The following SYN3 variants were observed in gnomAD, a reference collection of about 807,000 sequenced individuals.
The protein encoded by SYN3 is synapsin III.
A neutral mutation model predicts 65.8 loss-of-function variants in SYN3; 35 were observed. The observed-to-expected ratio is 0.53, with a 90% CI of 0.41 to 0.70. The LOEUF (loss-of-function observed/expected upper bound fraction) is 0.70. SYN3 is among the 30% of genes least tolerant of loss of function. The probability of loss-of-function intolerance (pLI) is 0.00; values close to 1 mark genes in which losing one functional copy is unlikely to be tolerated. For synonymous variants in SYN3, 270 were observed against 292.9 expected (o/e 0.92, Z 0.80); for missense variants, 680 against 749.0 (o/e 0.91, Z 1.08).
At chr22:32,847,023 G>A (rs2048083922) in intron 6 of SYN3, among the ~76,000 whole-genome samples, 1 of 152,164 alleles carries the variant, frequency 6.6e-6, no homozygotes, top group African/African-American at 2.4e-5. Flanking sequence ...ATCAAGTCAA[G>A]CCATTTTTGA....
chr22:32,641,684 A>G (rs916069843), intron 6 of SYN3, among the ~76,000 whole-genome samples: 7 of 150,914 alleles, frequency 4.6e-5, no homozygotes, highest in Admixed American at 3.3e-4. Flanking sequence ...CTGCTTAATG[A>G]GTATGATGTT....
chr22:32,849,754 G>A (rs1259019193), intron 6 of SYN3, among the ~76,000 whole-genome samples: 1 of 152,164 alleles, frequency 6.6e-6, no homozygotes, highest in Non-Finnish European at 1.5e-5. Context: ...TGCAGGTGGA[G>A]TCACTCCAAG....
At chr22:32,533,661 C>G in intron 10 of SYN3, 132 bp downstream of exon 10, 1 of 590,176 alleles carries the variant, frequency 1.7e-6, no homozygotes, top group South Asian at 2.1e-5. Context: ...AAGCAACTCA[C>G]TGAGGCCTGG....
intron 6 of SYN3, among the ~76,000 whole-genome samples, chr22:32,667,782 T>TTTTCTTTCTTTCTTTC (rs370360732): frequency 6.8e-6 from 1 of 146,700 alleles, no homozygotes; most frequent in Admixed American, 6.8e-5. Flanking sequence ...AGGAGATCAC[T>TTTTCTTTCTTTCTTTC]TTTCTTTCTT....
intron 6 of SYN3, among the ~76,000 whole-genome samples, chr22:32,650,851 G>A (rs964422290): frequency 3.9e-5 from 6 of 152,116 alleles, no homozygotes; most frequent in African/African-American, 9.7e-5. Context: ...CATTAGAGAC[G>A]GCCAAAAATA....
At chr22:32,886,450 C>T (rs1274212607) in intron 4 of SYN3, among the ~76,000 whole-genome samples, 2 of 152,142 alleles carry the variant, frequency 1.3e-5, no homozygotes, top group African/African-American at 2.4e-5. Context: ...CGACTCTGGA[C>T]ACGTTTTGAG....
intron 4 of SYN3, among the ~76,000 whole-genome samples, chr22:32,916,700 C>T (rs1187039903): frequency 2.6e-5 from 4 of 152,174 alleles, no homozygotes; most frequent in South Asian, 2.1e-4. Flanking sequence ...TCCTGGGTCT[C>T]ACCCAGGAAT....
chr22:32,753,468 A>G (rs1030074375), intron 6 of SYN3, among the ~76,000 whole-genome samples: 5 of 152,150 alleles, frequency 3.3e-5, no homozygotes, highest in Non-Finnish European at 7.3e-5. Context: ...CCACCTCAGG[A>G]AGGGCCCAGG....
chr22:32,678,429 T>G (rs2060476445), intron 6 of SYN3, among the ~76,000 whole-genome samples: 1 of 152,136 alleles, frequency 6.6e-6, no homozygotes, highest in Non-Finnish European at 1.5e-5. Flanking sequence ...GCAAGGTCCC[T>G]CAACAATTAG....
chr22:32,641,433 C>G (rs1436154426), intron 6 of SYN3, among the ~76,000 whole-genome samples: 2 of 151,710 alleles, frequency 1.3e-5, no homozygotes, highest in African/African-American at 4.8e-5. Flanking sequence ...ACGGTGAAAC[C>G]CTGTCTCTAC....
Position 32,556,804 on chromosome 22 carries a change from G to GTTTTTTT in SYN3, c.775-15098_775-15092dup, listed in dbSNP as rs1555895619. ...AATGACCCAATCTATAGGTTTCCTG[G>GTTTTTTT]TTTTTTTTTTTTTTTTTTTTTTTTT... On this transcript the variant is annotated intron_variant, in intron 7 of 13. Coordinates refer to ENST00000358763, the MANE Select transcript of SYN3 (RefSeq NM_003490.4). Among the ~76,000 whole-genome samples, 2 of 43,886 alleles carry GTTTTTTT rather than the reference G, an allele frequency of 4.6e-5. 1 individual carries two copies. Among genetic ancestry groups the GTTTTTTT allele is most frequent in the Non-Finnish European group, 8.3e-5 (2 of 24,190 alleles). 28.8% of individuals were successfully genotyped at this position (43,886 alleles called of 152,430 possible).
At chr22:32,695,254 T>G (rs954796202) in intron 6 of SYN3, among the ~76,000 whole-genome samples, 1 of 152,228 alleles carries the variant, frequency 6.6e-6, no homozygotes, top group Non-Finnish European at 1.5e-5. Flanking sequence ...TAAAAAACTC[T>G]TACTATGTTA....
At chr22:32,719,740 C>T (rs894527041) in intron 6 of SYN3, among the ~76,000 whole-genome samples, 4 of 151,810 alleles carry the variant, frequency 2.6e-5, no homozygotes, top group Admixed American at 1.3e-4. Context: ...CCCAGCTACT[C>T]GGGAGGCTGA....
chr22:32,790,617 G>C (rs1412715098), intron 6 of SYN3, among the ~76,000 whole-genome samples: 1 of 152,050 alleles, frequency 6.6e-6, no homozygotes, highest in Non-Finnish European at 1.5e-5. Context: ...AGTAGAGACG[G>C]GGTTTCGCCA....
At chr22:33,003,555 G>A (rs911032636) in intron 2 of SYN3, among the ~76,000 whole-genome samples, 4 of 152,092 alleles carry the variant, frequency 2.6e-5, no homozygotes, top group East Asian at 1.9e-4. Flanking sequence ...ATTTTGCCCC[G>A]GCCCTAGAGA....
Position 32,518,054 on chromosome 22 carries a change from A to G in SYN3, c.1599T>C (p.His533=). The G allele has an allele frequency of 1.3e-6, 2 of 1,518,744 alleles. No individual in the cohort carries two copies. The highest frequency in any genetic ancestry group is 2.7e-5 in the South Asian group (2 of 74,112). 94.1% of individuals were successfully genotyped at this position (1,518,744 alleles called of 1,614,324 possible). A position where few individuals can be genotyped will look rare whatever the true frequency, so the allele number is the denominator to read the frequency against. The change falls in exon 13 of 14, where the codon CAT becomes CAC. Residue 533 remains histidine (H), a synonymous_variant. Coordinates refer to ENST00000358763, the MANE Select transcript of SYN3 (RefSeq NM_003490.4). ...CCCAAAGCACTTACTTGAGATGCGG[A>G]TGGGGTGGTGCTGGCTTCTTGGACT... is the stretch of plus-strand genomic sequence containing the variant. The part of the protein sequence containing the change: ...GEESKKPAPP[H]PHLNKSQSLT...
intron 6 of SYN3, among the ~76,000 whole-genome samples, chr22:32,677,947 A>G (rs2147097710): frequency 6.6e-6 from 1 of 152,346 alleles, no homozygotes; most frequent in South Asian, 2.1e-4. Flanking sequence ...AAGACACAGC[A>G]TGGTCAAAGG....
At chr22:32,618,646 A>G (rs1476867865) in intron 6 of SYN3, among the ~76,000 whole-genome samples, 1 of 152,214 alleles carries the variant, frequency 6.6e-6, no homozygotes, top group Non-Finnish European at 1.5e-5. Context: ...ATAGAACAAG[A>G]GAGGCTGCCA....
intron 6 of SYN3, among the ~76,000 whole-genome samples, chr22:32,768,554 G>T (rs1171886494): frequency 6.6e-6 from 1 of 152,084 alleles, no homozygotes; most frequent in Non-Finnish European, 1.5e-5. Context: ...ACTGCTTCCT[G>T]GATATCTAAT....
Sources: allele counts gnomAD v4.1 joint callset (sites outside exome capture counted in the v4.1 genomes callset), GRCh38; gene constraint gnomAD v4.1.1; transcripts MANE v1.5; gene names NCBI Gene and HGNC (gene_info 2026-07-23, HGNC 2026-07-21).